PTPN12: variants seen among roughly 807,000 people sequenced by gnomAD.
PTPN12 encodes the protein protein tyrosine phosphatase non-receptor type 12.
A neutral mutation model predicts 97.6 loss-of-function variants in PTPN12; 29 were observed. The ratio of observed to expected loss-of-function variants is 0.30; its 90% CI spans 0.22 to 0.41. The LOEUF is 0.41. Ranked by LOEUF, PTPN12 falls within the 10% of genes least tolerant of loss-of-function variation. The probability of loss-of-function intolerance (pLI) is 1.00; values close to 1 mark genes in which losing one functional copy is unlikely to be tolerated. For missense variants in PTPN12, 819 were observed against 926.0 expected, an observed-to-expected ratio of 0.88 and a Z score of 1.50; for synonymous variants, 327 against 300.4, an observed-to-expected ratio of 1.09 and a Z score of -0.91.
At chr7:77,543,679 T>G (rs533364631) in intron 1 of PTPN12, among the ~76,000 whole-genome samples, 39 of 152,260 alleles carry the variant, frequency 2.6e-4, no homozygotes, top group African/African-American at 8.4e-4. Context: ...CTCCCCGCCT[T>G]CCCATAAGCC....
At chr7:77,603,608 T>G (rs1208503551) in intron 8 of PTPN12, among the ~76,000 whole-genome samples, 1 of 152,058 alleles carries the variant, frequency 6.6e-6, no homozygotes, top group African/African-American at 2.4e-5. Context: ...AAATGCTTAG[T>G]GGCCACTCTG....
At chr7:77,579,275 C>T (rs1029023561) in intron 2 of PTPN12, among the ~76,000 whole-genome samples, 8 of 152,104 alleles carry the variant, frequency 5.3e-5, no homozygotes, top group Admixed American at 2.0e-4. Flanking sequence ...GCATGCGCCA[C>T]GATGCCCTGC....
At chr7:77,615,261 A>AT (rs981246599) in intron 11 of PTPN12, among the ~76,000 whole-genome samples, 5 of 151,910 alleles carry the variant, frequency 3.3e-5, no homozygotes, top group East Asian at 3.9e-4. Flanking sequence ...TGAATTCTGG[A>AT]TTTTTTTTCC....
chr7:77,569,718 C>T (rs192152210), intron 1 of PTPN12, among the ~76,000 whole-genome samples: 19 of 152,254 alleles, frequency 1.2e-4, no homozygotes, highest in Admixed American at 1.2e-3. Context: ...TTGCAGTGGG[C>T]CGAGATCGCA....
chr7:77,543,969 A>G (rs1182990458), intron 1 of PTPN12, among the ~76,000 whole-genome samples: 1 of 152,200 alleles, frequency 6.6e-6, no homozygotes, highest in Admixed American at 6.5e-5. Flanking sequence ...TAATGCAGCT[A>G]TGAACATTTG....
Position 77,610,904 on chromosome 7 carries a change from ATGT to A in PTPN12, c.841-39_841-37del, listed in dbSNP as rs768368685. On this transcript the variant is annotated intron_variant, in intron 10 of 17. Coordinates refer to ENST00000248594, the MANE Select transcript of PTPN12 (RefSeq NM_002835.4). ...TATAAATGCTTTCTTCTTTTTTAAA[ATGT>A]TGTTTTCATTTTGTTTTTTAATCAT... is the stretch of plus-strand genomic sequence containing the variant. 386 of 1,584,158 alleles carry A rather than the reference ATGT, an allele frequency of 2.4e-4. 1 individual carries two copies. The highest frequency in any genetic ancestry group is 1.0e-4 in the South Asian group (9 of 86,044).
chr7:77,617,909 G>T (rs913605749), intron 11 of PTPN12, among the ~76,000 whole-genome samples: 2 of 152,082 alleles, frequency 1.3e-5, no homozygotes, highest in South Asian at 2.1e-4. Context: ...GCCTTTTTGA[G>T]GTCCATTTGG....
chr7:77,578,974 A>G (rs906032497), intron 2 of PTPN12, among the ~76,000 whole-genome samples: 2 of 152,202 alleles, frequency 1.3e-5, no homozygotes, highest in African/African-American at 4.8e-5. Context: ...GCATATGTAT[A>G]TCATGTATCC....
intron 1 of PTPN12, among the ~76,000 whole-genome samples, chr7:77,568,944 A>G (rs1251251868): frequency 1.3e-5 from 2 of 152,200 alleles, no homozygotes; most frequent in Non-Finnish European, 2.9e-5. Flanking sequence ...ATTCTAATTA[A>G]ATGTGCAAGA....
At chr7:77,537,744 G>A (rs1194907607) in intron 1 of PTPN12, 99 bp downstream of exon 1, 2 of 1,275,194 alleles carry the variant, frequency 1.6e-6, no homozygotes. Flanking sequence ...CCTCTGTGAG[G>A]AGAGGGGCGG....
At chr7:77,588,849 A>G (rs1584152495) in intron 5 of PTPN12, among the ~76,000 whole-genome samples, 1 of 152,130 alleles carries the variant, frequency 6.6e-6, no homozygotes, top group African/African-American at 2.4e-5. Flanking sequence ...TATCATTAAT[A>G]TATGGTTTGA....
At chr7:77,555,196 G>C (rs1807651972) in intron 1 of PTPN12, among the ~76,000 whole-genome samples, 1 of 150,594 alleles carries the variant, frequency 6.6e-6, no homozygotes, top group African/African-American at 2.4e-5. Flanking sequence ...TTTTCCTCTG[G>C]CTTTTTAAAC....
At chr7:77,558,210 CAAAAAAAAAAAAAAAAA>C (rs1418800610) in intron 1 of PTPN12, among the ~76,000 whole-genome samples, 4 of 93,614 alleles carry the variant, frequency 4.3e-5, no homozygotes, top group Non-Finnish European at 8.6e-5. Context: ...GACTCCATCT[CAAAAAAAAAAAAAAAAA>C]GAAAAAGAAA....
chr7:77,594,273 G>C (rs1787955625), intron 6 of PTPN12, among the ~76,000 whole-genome samples: 1 of 152,062 alleles, frequency 6.6e-6, no homozygotes, highest in Non-Finnish European at 1.5e-5. Context: ...ACAAGCCCGG[G>C]CAAAATAGTG....
chr7:77,569,000 G>A (rs924733202), intron 1 of PTPN12, among the ~76,000 whole-genome samples: 4 of 152,188 alleles, frequency 2.6e-5, no homozygotes, highest in Middle Eastern at 3.4e-3. Context: ...ATGGAGTAAC[G>A]ACATCATAAA....
intron 11 of PTPN12, among the ~76,000 whole-genome samples, chr7:77,611,829 A>G (rs1266055684): frequency 6.6e-6 from 1 of 152,186 alleles, no homozygotes; most frequent in Non-Finnish European, 1.5e-5. Context: ...ATTCAGTGTT[A>G]TTTTAGCCTT....
chr7:77,600,287 G>A (rs1012335356), intron 7 of PTPN12, among the ~76,000 whole-genome samples: 5 of 152,276 alleles, frequency 3.3e-5, no homozygotes, highest in East Asian at 3.9e-4. Flanking sequence ...ATTTAATAGT[G>A]TAGATTAGTT....
chr7:77,581,610 G>C, intron 3 of PTPN12, 107 bp downstream of exon 3: 32 of 527,022 alleles, frequency 6.1e-5, no homozygotes, highest in South Asian at 3.7e-5. Flanking sequence ...AACAGCAAAA[G>C]AAATAAAAAT....
chr7:77,583,636 G>C lies in PTPN12; in HGVS notation c.367G>C (p.Glu123Gln). 2 of 1,591,244 alleles carry C rather than the reference G, an allele frequency of 1.3e-6. No individual in the cohort carries two copies. The highest frequency in any genetic ancestry group is 1.7e-6 in the Non-Finnish European group (2 of 1,162,474). Reference protein sequence around the residue: ...TVIDFWRMIWEYNVVIIVMAC... With the variant: ...TVIDFWRMIWQYNVVIIVMAC... ...AATAGATTTTTGGAGGATGATATGG[G>C]AGTATAATGTTGTGGTAAGTAATTT... Residue 123 changes from glutamate (E) to glutamine (Q), a missense_variant, in exon 4 of 18, where the codon GAG becomes CAG. Physicochemically the swap from Glu to Gln is conservative, Grantham distance 29. Around this residue, in one of 5 missense-constraint regions of PTPN12, gnomAD observed 66 missense variants for 133.6 expected, o/e 0.49. Transcript: ENST00000248594.
Sources: gnomAD v4.1 joint callset for allele counts (sites outside exome capture counted in the v4.1 genomes callset) on GRCh38, gnomAD v4.1.1 for gene constraint, gnomAD v4.1.1 regional missense constraint, MANE v1.5 for transcripts, NCBI Gene and HGNC (gene_info 2026-07-23, HGNC 2026-07-21) for gene names.